The following EPHA6 variants were observed in gnomAD, a reference collection of about 807,000 sequenced individuals.
The protein encoded by EPHA6 is ephrin type-A receptor 6.
A neutral mutation model predicts 112.0 loss-of-function variants in EPHA6; 50 were observed. The ratio of observed to expected loss-of-function variants is 0.45; its 90% confidence interval spans 0.36 to 0.56. EPHA6 has a LOEUF of 0.56. Among genes scored for constraint, EPHA6 ranks in the 20% least tolerant of loss-of-function variants. EPHA6 has a pLI of 0.00. For missense variants in EPHA6, 1,280 were observed against 1,417.4 expected (o/e 0.90, Z 1.56); for synonymous variants, 529 against 490.7 (o/e 1.08, Z -1.03).
intron 6 of EPHA6, among the ~76,000 whole-genome samples, chr3:97,422,598 T>G (rs138308466): frequency 6.6e-6 from 1 of 152,178 alleles, no homozygotes; most frequent in Non-Finnish European, 1.5e-5. Context: ...CTAACAGGTA[T>G]CTACAGAGCA....
intron 3 of EPHA6, among the ~76,000 whole-genome samples, chr3:97,138,595 A>C (rs2075819524): frequency 6.6e-6 from 1 of 152,198 alleles, no homozygotes; most frequent in South Asian, 2.1e-4. Context: ...CCAAAGCTTA[A>C]GTCCACCAAG....
chr3:96,881,231 A>C (rs1328060505), intron 2 of EPHA6, among the ~76,000 whole-genome samples: 2 of 152,120 alleles, frequency 1.3e-5, no homozygotes, highest in African/African-American at 4.8e-5. Flanking sequence ...AGAAATTGAT[A>C]AATCATTGTA....
intron 2 of EPHA6, 27 bp downstream of exon 2, chr3:96,866,916 T>C (rs2107455611): frequency 7.4e-7 from 1 of 1,356,986 alleles, no homozygotes; most frequent in Non-Finnish European, 9.8e-7. Flanking sequence ...GAAAAATTGC[T>C]GTCTTTTTTA....
chr3:97,448,011 A>G (rs1171811517), intron 6 of EPHA6, among the ~76,000 whole-genome samples: 3 of 152,170 alleles, frequency 2.0e-5, no homozygotes, highest in Admixed American at 6.5e-5. Flanking sequence ...ATTTTATTCA[A>G]CTTCAGGTTT....
chr3:96,958,579 G>T (rs1450090393), intron 2 of EPHA6, among the ~76,000 whole-genome samples: 2 of 152,046 alleles, frequency 1.3e-5, no homozygotes, highest in South Asian at 2.1e-4. Context: ...TGTTCTTATT[G>T]TTAGAGCTTT....
chr3:96,972,312 A>G (rs2107787268), intron 2 of EPHA6, among the ~76,000 whole-genome samples: 1 of 152,210 alleles, frequency 6.6e-6, no homozygotes, highest in African/African-American at 2.4e-5. Context: ...GAGGAAATAA[A>G]TTTATGCCTT....
At chr3:97,537,872 C>G (rs1217310782) in intron 11 of EPHA6, among the ~76,000 whole-genome samples, 1 of 152,168 alleles carries the variant, frequency 6.6e-6, no homozygotes, top group East Asian at 1.9e-4. Flanking sequence ...AGCCACAGCA[C>G]CTGGCCTCTA....
At chr3:97,017,285 C>A (rs567975954) in intron 3 of EPHA6, among the ~76,000 whole-genome samples, 1 of 152,260 alleles carries the variant, frequency 6.6e-6, no homozygotes, top group African/African-American at 2.4e-5. Flanking sequence ...GAGTGAGAAT[C>A]TGTGTGTCTG....
intron 1 of EPHA6, among the ~76,000 whole-genome samples, chr3:96,838,537 T>G (rs986367468): frequency 6.6e-6 from 1 of 152,158 alleles, no homozygotes; most frequent in Admixed American, 6.5e-5. Flanking sequence ...GTGTTTCTTT[T>G]TCTCTATAAC....
At chr3:97,388,374 C>G (rs2086195958) in intron 5 of EPHA6, among the ~76,000 whole-genome samples, 1 of 151,948 alleles carries the variant, frequency 6.6e-6, no homozygotes, top group Admixed American at 6.6e-5. Context: ...AAAGACAGGT[C>G]AGTGAGCAAA....
At chr3:97,320,252 A>G (rs1330866714) in intron 5 of EPHA6, among the ~76,000 whole-genome samples, 43 of 152,056 alleles carry the variant, frequency 2.8e-4, no homozygotes, top group Admixed American at 2.8e-3. Flanking sequence ...AGACTGGGAT[A>G]TTGTTAAGGT....
In EPHA6 at chr3:97,139,580, A is replaced by G. The variant is rs553353509; in HGVS notation, c.1115-86684A>G. ...AGCCACTATACTAAGGATATGTATA[A>G]CCAAGGAATTCATACAGAGACTTGG... On this transcript the variant is annotated intron_variant, in intron 3 of 17. Coordinates refer to ENST00000389672, the MANE Select transcript of EPHA6 (RefSeq NM_001080448.3). Among the ~76,000 whole-genome samples the G allele has an allele frequency of 3.3e-5, 5 of 152,280 alleles. No homozygotes were observed. In the East Asian group the frequency reaches 9.7e-4, roughly 29 times the overall value.
intron 3 of EPHA6, among the ~76,000 whole-genome samples, chr3:97,210,004 G>T (rs1263829958): frequency 6.6e-6 from 1 of 151,984 alleles, no homozygotes; most frequent in African/African-American, 2.4e-5. Context: ...TCTAAGTTTT[G>T]AATAAAGCAA....
At chr3:96,959,816 A>T (rs1431765240) in intron 2 of EPHA6, among the ~76,000 whole-genome samples, 1 of 151,932 alleles carries the variant, frequency 6.6e-6, no homozygotes, top group Non-Finnish European at 1.5e-5. Flanking sequence ...ACAAAAAGGG[A>T]ACCACTTCTG....
At chr3:96,966,526 C>T (rs1038081833) in intron 2 of EPHA6, among the ~76,000 whole-genome samples, 7 of 152,076 alleles carry the variant, frequency 4.6e-5, no homozygotes, top group African/African-American at 1.7e-4. Flanking sequence ...AATTACGTAT[C>T]TGCTCCCAAA....
At chr3:97,016,083 A>G (rs2044256916) in intron 3 of EPHA6, among the ~76,000 whole-genome samples, 1 of 152,002 alleles carries the variant, frequency 6.6e-6, no homozygotes, top group Admixed American at 6.6e-5. Context: ...CTTAAAATAT[A>G]AAAAGAAAAT....
Position 97,614,547 on chromosome 3 carries a change from T to A in EPHA6, c.2574+3693T>A, listed in dbSNP as rs370867141. Among the ~76,000 whole-genome samples, 10 of 141,476 alleles carry A rather than the reference T, an allele frequency of 7.1e-5. 1 individual carries two copies. The highest frequency in any genetic ancestry group is 2.6e-4 in the African/African-American group (10 of 38,458). The allele number at this position is 141,476 out of a possible 152,430, so 92.8% of individuals were successfully genotyped here. A position where few individuals can be genotyped will look rare whatever the true frequency, so the allele number is the denominator to read the frequency against. ...TTTTTGTATTTTAGAAGAGACGGGG[T>A]TTCACCACATTGGCCAGGATGATTT... On this transcript the variant is annotated intron_variant, in intron 13 of 17. Transcript: ENST00000389672.
At chr3:97,295,185 TC>T (rs1321505344) in intron 5 of EPHA6, among the ~76,000 whole-genome samples, 2 of 152,218 alleles carry the variant, frequency 1.3e-5, no homozygotes, top group African/African-American at 4.8e-5. Context: ...TTTGGTCTCC[TC>T]CTTACCTTCT....
In EPHA6 at chr3:97,503,244, A is replaced by C. The variant is rs149139592; in HGVS notation, c.2200+19185A>C. Among the ~76,000 whole-genome samples, 992 of 152,298 alleles carry C rather than the reference A, an allele frequency of 6.5e-3. 11 individuals are homozygous for C. The highest frequency in any genetic ancestry group is 0.022 in the African/African-American group (912 of 41,566). On this transcript the variant is annotated intron_variant, in intron 10 of 17. Coordinates refer to ENST00000389672, the MANE Select transcript of EPHA6 (RefSeq NM_001080448.3). The stretch of plus-strand genomic sequence containing the variant: ...AAATTGTGTCAGTGTTTTTCCCTGC[A>C]AAGGAAATTTCAGATCCAGATTTTG...
Sources: allele counts gnomAD v4.1 joint callset (sites outside exome capture counted in the v4.1 genomes callset), GRCh38; gene constraint gnomAD v4.1.1; transcripts MANE v1.5; gene names NCBI Gene and HGNC (gene_info 2026-07-23, HGNC 2026-07-21).